The following AAGAB variants were observed in gnomAD, a reference collection of about 807,000 sequenced individuals.
The protein encoded by AAGAB is alpha and gamma adaptin binding protein.
Under a neutral mutation model 44.1 loss-of-function variants are expected in AAGAB, and 38 were observed. The observed-to-expected ratio is 0.86, with a 90% CI of 0.67 to 1.13. AAGAB has a LOEUF of 1.13. Among genes scored for constraint, AAGAB ranks in the 50% most tolerant of loss-of-function variants. AAGAB has a pLI of 0.00. For synonymous variants in AAGAB, 131 were observed against 131.8 expected (o/e 0.99, Z 0.04); for missense variants, 450 against 373.8 (o/e 1.20, Z -1.68).
Position 67,235,880 on chromosome 15 carries a change from A to C in AAGAB, c.451+99T>G. The C allele has an allele frequency of 3.3e-6, 3 of 920,720 alleles. No homozygotes were observed. The South Asian group carries it at 5.0e-5, about 15-fold the overall frequency. 57.0% of individuals were successfully genotyped at this position (920,720 alleles called of 1,614,324 possible). On this transcript the variant is annotated intron_variant, in intron 4 of 9. Transcript: ENST00000261880. ...GCTTAAATCCTTGAAACAGCTGGGGAAAAAAGTTTCTTGAATTTTGCTGTG... is the reference window on the plus strand; with the variant it reads ...GCTTAAATCCTTGAAACAGCTGGGGCAAAAAGTTTCTTGAATTTTGCTGTG...
chr15:67,208,962 G>GT (rs1306837367), intron 6 of AAGAB, among the ~76,000 whole-genome samples: 34 of 152,134 alleles, frequency 2.2e-4, no homozygotes, highest in African/African-American at 8.0e-4. Context: ...TAACACAATC[G>GT]TAACACAAAT....
intron 6 of AAGAB, 54 bp from the exon 7 acceptor site, chr15:67,208,712 T>G (rs1307000938): frequency 3.7e-5 from 56 of 1,526,162 alleles, no homozygotes; most frequent in Non-Finnish European, 4.8e-5. Flanking sequence ...ATTTCAGAAC[T>G]AAATCCAAAA....
At chr15:67,228,115 T>C (rs1393632424) in intron 5 of AAGAB, among the ~76,000 whole-genome samples, 1 of 152,234 alleles carries the variant, frequency 6.6e-6, no homozygotes, top group African/African-American at 2.4e-5. Flanking sequence ...TAATAAAGCA[T>C]GTTTAGTCCA....
At chr15:67,227,300 G>A (rs1964227187) in intron 5 of AAGAB, among the ~76,000 whole-genome samples, 1 of 151,380 alleles carries the variant, frequency 6.6e-6, no homozygotes, top group Admixed American at 6.6e-5. Flanking sequence ...CATTATTAAT[G>A]TCTTGAAAAA....
In AAGAB at chr15:67,254,341, A is replaced by G. The variant is rs1965007545; in HGVS notation, c.73+218T>C. On this transcript the variant is annotated intron_variant, in intron 1 of 9. Coordinates refer to ENST00000261880, the MANE Select transcript of AAGAB (RefSeq NM_024666.5). ...GCGGGAAATCAGTCTCACTTTACAC[A>G]GGAAGCCGAAAGGAACGCCGAAGAA... The G allele has an allele frequency of 9.9e-6, 13 of 1,308,846 alleles. No homozygotes were observed. In the East Asian group the frequency reaches 3.4e-4, roughly 35 times the overall value. The allele number at this position is 1,308,846 out of a possible 1,614,324, so 81.1% of individuals were successfully genotyped here.
At chr15:67,235,648 T>G (rs528961447) in intron 4 of AAGAB, among the ~76,000 whole-genome samples, 7 of 152,286 alleles carry the variant, frequency 4.6e-5, no homozygotes, top group Middle Eastern at 3.4e-3. Flanking sequence ...AACATCAACT[T>G]TAACTACTAC....
intron 1 of AAGAB, among the ~76,000 whole-genome samples, chr15:67,246,491 T>C (rs545761071): frequency 1.3e-5 from 2 of 152,258 alleles, no homozygotes; most frequent in South Asian, 4.1e-4. Context: ...TAGAAACGTA[T>C]TTGTGGTATC....
chr15:67,203,090 T>C (rs1963604373), intron 9 of AAGAB, among the ~76,000 whole-genome samples, 192 bp from the exon 10 acceptor site: 1 of 152,198 alleles, frequency 6.6e-6, no homozygotes, highest in African/African-American at 2.4e-5. Context: ...CAAGGATATA[T>C]TTAGAGTTGT....
intron 1 of AAGAB, among the ~76,000 whole-genome samples, chr15:67,242,507 T>C (rs1964627313): frequency 6.6e-6 from 1 of 150,456 alleles, no homozygotes; most frequent in Non-Finnish European, 1.5e-5. Context: ...TACAATTTCT[T>C]ACCCACAACT....
At chr15:67,218,520 A>T (rs1567019551) in intron 5 of AAGAB, among the ~76,000 whole-genome samples, 1 of 152,196 alleles carries the variant, frequency 6.6e-6, no homozygotes, top group Non-Finnish European at 1.5e-5. Context: ...CCTTAAAACC[A>T]ACTCTTACTT....
intron 5 of AAGAB, among the ~76,000 whole-genome samples, chr15:67,217,750 C>T (rs796463846): frequency 1.1e-4 from 16 of 152,208 alleles, no homozygotes; most frequent in African/African-American, 3.6e-4. Flanking sequence ...GTTGGCCAGG[C>T]TGGTCTCGAA....
chr15:67,251,511 C>T (rs966781724), intron 1 of AAGAB, among the ~76,000 whole-genome samples: 1 of 152,166 alleles, frequency 6.6e-6, no homozygotes, highest in African/African-American at 2.4e-5. Context: ...CCGTCCTGGC[C>T]TCCCACAGTG....
intron 5 of AAGAB, among the ~76,000 whole-genome samples, chr15:67,226,402 G>A (rs1017471142): frequency 5.3e-5 from 8 of 152,152 alleles, no homozygotes; most frequent in Non-Finnish European, 1.0e-4. Context: ...GATTTCGGGC[G>A]TGAGACACCA....
chr15:67,216,976 T>C (rs1310680271), intron 5 of AAGAB, among the ~76,000 whole-genome samples: 2 of 152,292 alleles, frequency 1.3e-5, no homozygotes, highest in Middle Eastern at 3.4e-3. Flanking sequence ...ATTTTTCTCA[T>C]ACTCTTATTC....
intron 1 of AAGAB, among the ~76,000 whole-genome samples, chr15:67,244,289 T>C (rs1221142185): frequency 1.3e-5 from 2 of 152,182 alleles, no homozygotes. Flanking sequence ...AAAATCATTA[T>C]TGGGCAACAG....
chr15:67,232,558 G>C, intron 4 of AAGAB: 9 of 403,716 alleles, frequency 2.2e-5, no homozygotes, highest in South Asian at 1.3e-4. Context: ...CTACCTAAGA[G>C]AGAAATTCGG....
chr15:67,254,535 C>A (rs756022692), intron 1 of AAGAB, 24 bp downstream of exon 1: 7 of 1,588,288 alleles, frequency 4.4e-6, no homozygotes, highest in South Asian at 1.1e-5. Flanking sequence ...CCTTGGAGGT[C>A]GGCCCAGGCG....
intron 1 of AAGAB, chr15:67,254,204 G>C (rs908065855): frequency 4.1e-6 from 1 of 243,592 alleles, no homozygotes; most frequent in Non-Finnish European, 7.9e-6. Context: ...ACAACATCAC[G>C]ATATCAACAA....
At chr15:67,209,624 G>A (rs1489977220) in intron 5 of AAGAB, 80 bp from the exon 6 acceptor site, 1 of 1,137,288 alleles carries the variant, frequency 8.8e-7, no homozygotes, top group East Asian at 2.3e-5. Context: ...TGAAACAAAG[G>A]CTACTTATTT....
Sources: gnomAD v4.1 joint callset for allele counts (sites outside exome capture counted in the v4.1 genomes callset) on GRCh38, gnomAD v4.1.1 for gene constraint, MANE v1.5 for transcripts, NCBI Gene and HGNC (gene_info 2026-07-23, HGNC 2026-07-21) for gene names.